Variants in NASP observed in about 807,000 individuals in gnomAD.
NASP encodes NASP histone chaperone.
Under a neutral mutation model 89.5 loss-of-function variants are expected in NASP, and 24 were observed. The observed-to-expected ratio is 0.27, with a 90% CI of 0.19 to 0.38. NASP has a LOEUF of 0.38. Ranked by LOEUF, NASP falls within the 10% of genes least tolerant of loss-of-function variation. The pLI is 1.00. For synonymous variants in NASP, 306 were observed against 324.7 expected (o/e 0.94, Z 0.62); for missense variants, 848 against 921.4 (o/e 0.92, Z 1.03).
At chr1:45,595,094 A>T (rs1202050015) in intron 2 of NASP, among the ~76,000 whole-genome samples, 2 of 151,000 alleles carry the variant, frequency 1.3e-5, no homozygotes, top group East Asian at 3.9e-4. Flanking sequence ...TCCTGGACCA[A>T]GAGATACTCC....
intron 7 of NASP, among the ~76,000 whole-genome samples, chr1:45,613,828 A>AT (rs902857175): frequency 9.9e-5 from 15 of 152,054 alleles, no homozygotes; most frequent in African/African-American, 3.4e-4. Flanking sequence ...TTGATTATGG[A>AT]TTAGGGACCC....
chr1:45,587,688 A>ATAT (rs1553169240), intron 1 of NASP, among the ~76,000 whole-genome samples: 3 of 17,472 alleles, frequency 1.7e-4, no homozygotes, highest in African/African-American at 1.9e-4. Context: ...ATATATATAT[A>ATAT]ATTAATTTTT....
At chr1:45,615,581 C>T (rs1314837984) in intron 11 of NASP, 110 bp downstream of exon 11, 4 of 1,011,686 alleles carry the variant, frequency 4.0e-6, no homozygotes, top group South Asian at 1.6e-5. Flanking sequence ...TTGGTGGGCT[C>T]ATCTAATTAT....
At chr1:45,593,933 G>A (rs778676294) in intron 2 of NASP, among the ~76,000 whole-genome samples, 1 of 151,794 alleles carries the variant, frequency 6.6e-6, no homozygotes, top group Admixed American at 6.6e-5. Context: ...GGAGGCTGAG[G>A]TAGGAGGATT....
At chr1:45,585,465 A>G (rs1185349555) in intron 1 of NASP, among the ~76,000 whole-genome samples, 1 of 152,014 alleles carries the variant, frequency 6.6e-6, no homozygotes, top group African/African-American at 2.4e-5. Context: ...TTCTCAAGTC[A>G]CCCTGAGAAT....
At chr1:45,611,056 G>C (rs916093873) in intron 6 of NASP, 1 of 152,116 alleles carries the variant, frequency 6.6e-6, no homozygotes, top group African/African-American at 2.4e-5. Context: ...ACATTTCCAA[G>C]TGGGTCCGGG....
Position 45,602,336 on chromosome 1 carries a change from C to T in NASP, c.189C>T (p.Val63=), listed in dbSNP as rs1251973308. 5.6e-6 allele frequency: 9 copies of T among 1,613,348 alleles called. No homozygotes were observed. Among genetic ancestry groups the T allele is most frequent in the Admixed American group, 1.7e-5 (1 of 59,948 alleles). ...TGATGGGGGATATTCCAGCAGCTGT[C>T]AATGCATTCCAGGAAGCAGCTAGTC... ...HLVMGDIPAA[V]NAFQEAASLL... Residue 63 remains valine, a synonymous_variant, in exon 3 of 15, where the codon GTC becomes GTT. Coordinates refer to ENST00000350030, the MANE Select transcript of NASP (RefSeq NM_002482.4).
chr1:45,600,831 C>T (rs559454908), intron 2 of NASP, among the ~76,000 whole-genome samples: 232 of 152,296 alleles, frequency 1.5e-3, no homozygotes, highest in Non-Finnish European at 1.5e-3. Context: ...TGCCCTACAT[C>T]CTCACCATCA....
At chr1:45,614,654 T>C (rs1021673280) in intron 9 of NASP, among the ~76,000 whole-genome samples, 3 of 152,204 alleles carry the variant, frequency 2.0e-5, no homozygotes, top group African/African-American at 7.2e-5. Flanking sequence ...TTCTCCTGCC[T>C]CAGGCTCTCG....
rs1375366938 is a variant in NASP, at chr1:45,599,951, G to GTTTTTT, written c.108-2303_108-2302insTTTTTT. Among the ~76,000 whole-genome samples the GTTTTTT allele has an allele frequency of 1.5e-4, 15 of 101,942 alleles. 1 individual carries two copies. Among genetic ancestry groups the GTTTTTT allele is most frequent in the African/African-American group, 6.5e-4 (15 of 23,186 alleles). 66.9% of individuals were successfully genotyped at this position (101,942 alleles called of 152,430 possible). The stretch of plus-strand genomic sequence containing the variant: ...CTCTGTCCTAGAGTGCTTTTCCTCT[G>GTTTTTT]TATTTTTTTTTTTTTTTTTTTTTTG... On this transcript the variant is annotated intron_variant, in intron 2 of 14. Coordinates refer to ENST00000350030, the MANE Select transcript of NASP (RefSeq NM_002482.4).
At chr1:45,599,252 G>A (rs1557655582) in intron 2 of NASP, among the ~76,000 whole-genome samples, 1 of 151,892 alleles carries the variant, frequency 6.6e-6, no homozygotes, top group Non-Finnish European at 1.5e-5. Context: ...CCTTAGCCTT[G>A]CGAGTAACGG....
At chr1:45,605,277 C>G (rs919690133) in intron 4 of NASP, among the ~76,000 whole-genome samples, 4 of 152,100 alleles carry the variant, frequency 2.6e-5, no homozygotes, top group African/African-American at 9.7e-5. Context: ...GCACTGTGAG[C>G]TAGCTCAAAA....
At chr1:45,613,816 T>C (rs1386930169) in intron 7 of NASP, among the ~76,000 whole-genome samples, 1 of 152,178 alleles carries the variant, frequency 6.6e-6, no homozygotes, top group Admixed American at 6.5e-5. Flanking sequence ...GATAACTGTC[T>C]CTTGATTATG....
At chr1:45,606,804 T>G in intron 5 of NASP, 2 of 427,500 alleles carry the variant, frequency 4.7e-6, no homozygotes, top group East Asian at 7.7e-5. Context: ...CTCAAGTAAA[T>G]CCAGTTATTT....
rs756436114 is a variant in NASP, at chr1:45,584,219, TG to T, written c.59+16del. The T allele has an allele frequency of 1.5e-5, 23 of 1,576,656 alleles. 1 individual carries two copies. In the South Asian group the frequency reaches 2.7e-4, roughly 18 times the overall value. On this transcript the variant is annotated intron_variant, in intron 1 of 14. Transcript: ENST00000350030. ...TTCTGCCGACAAGTAAGCGGGACTGTGGAAAGCTTAAGGCACTGGCCAGTCC... is the reference window on the plus strand; with the variant it reads ...TTCTGCCGACAAGTAAGCGGGACTGTGAAAGCTTAAGGCACTGGCCAGTCC...
Position 45,604,968 on chromosome 1 carries a change from G to A in NASP, c.251G>A (p.Cys84Tyr). The A allele has an allele frequency of 6.2e-7, 1 of 1,613,116 alleles. No homozygotes were observed. The highest frequency in any genetic ancestry group is 8.5e-7 in the Non-Finnish European group (1 of 1,179,216). The change falls in exon 4 of 15, where the codon TGT becomes TAT. Residue 84 changes from cysteine to tyrosine, a missense_variant. Transcript: ENST00000350030. ...GKKYGETANE[C>Y]GEAFFFYGKS... ...AAGTATGGAGAGACAGCTAATGAGT[G>A]TGGAGAAGCCTTCTTTTTCTATGGG...
chr1:45,608,578 T>C (rs2148361449), intron 6 of NASP, among the ~76,000 whole-genome samples: 1 of 152,290 alleles, frequency 6.6e-6, no homozygotes, highest in South Asian at 2.1e-4. Context: ...AAATAGGCCT[T>C]CTGTGTGATT....
chr1:45,617,922 G>A (rs1270392377), intron 14 of NASP, 139 bp from the exon 15 acceptor site: 1 of 703,416 alleles, frequency 1.4e-6, no homozygotes, highest in Non-Finnish European at 2.4e-6. Context: ...AATACTTTGT[G>A]GTCACTGCCC....
intron 6 of NASP, chr1:45,609,802 A>G (rs1211409874): frequency 6.6e-6 from 1 of 152,232 alleles, no homozygotes; most frequent in Admixed American, 6.5e-5. Flanking sequence ...TTAGGGTCAT[A>G]ATACTGAATC....
Sources: gnomAD v4.1 joint callset for allele counts (sites outside exome capture counted in the v4.1 genomes callset) on GRCh38, gnomAD v4.1.1 for gene constraint, MANE v1.5 for transcripts, NCBI Gene and HGNC (gene_info 2026-07-23, HGNC 2026-07-21) for gene names.